ZFHX3: variants seen among roughly 807,000 people sequenced by gnomAD.
The protein encoded by ZFHX3 is zinc finger homeobox protein 3.
A neutral mutation model predicts 279.1 loss-of-function variants in ZFHX3; 42 were observed. The ratio of observed to expected loss-of-function variants is 0.15; its 90% CI spans 0.12 to 0.19. The LOEUF is 0.19. ZFHX3 is among the 10% of genes least tolerant of loss of function. ZFHX3 has a pLI of 1.00. For missense variants in ZFHX3, 4,981 were observed against 4,754.0 expected, an observed-to-expected ratio of 1.05 and a Z score of -1.40; for synonymous variants, 2,293 against 1,957.8, an observed-to-expected ratio of 1.17 and a Z score of -4.52.
chr16:73,843,677 A>C (rs1396941522), intron 1 of ZFHX3, among the ~76,000 whole-genome samples: 1 of 152,242 alleles, frequency 6.6e-6, no homozygotes, highest in Non-Finnish European at 1.5e-5. Context: ...TCTCACAGCA[A>C]GATACCCTGT....
intron 2 of ZFHX3, among the ~76,000 whole-genome samples, chr16:73,588,515 T>C (rs2051951378): frequency 6.6e-6 from 1 of 151,248 alleles, no homozygotes; most frequent in South Asian, 2.1e-4. Context: ...TGAAACCCCA[T>C]CTCCACTAAA....
At chr16:73,534,624 C>T (rs568303057) in intron 2 of ZFHX3, among the ~76,000 whole-genome samples, 4 of 152,278 alleles carry the variant, frequency 2.6e-5, no homozygotes, top group African/African-American at 9.6e-5. Context: ...AATTAAATTG[C>T]ATTTGGTTTG....
chr16:73,622,519 G>A (rs966744171), intron 2 of ZFHX3, among the ~76,000 whole-genome samples: 3 of 152,076 alleles, frequency 2.0e-5, no homozygotes, highest in Non-Finnish European at 2.9e-5. Flanking sequence ...CCGAGATCGT[G>A]CCACTGCACT....
At chr16:73,209,523 C>G (rs1001571690) in intron 5 of ZFHX3, among the ~76,000 whole-genome samples, 1 of 152,160 alleles carries the variant, frequency 6.6e-6, no homozygotes, top group Non-Finnish European at 1.5e-5. Flanking sequence ...AGAAAGCAAA[C>G]CCACTTCCAC....
chr16:72,955,642 G>GT (rs1375225722), intron 2 of ZFHX3, among the ~76,000 whole-genome samples: 1 of 152,118 alleles, frequency 6.6e-6, no homozygotes. Context: ...GCCAGGCATG[G>GT]TGGCGGGTGC....
At chr16:73,073,975 G>A (rs1434295472) in intron 8 of ZFHX3, among the ~76,000 whole-genome samples, 1 of 152,210 alleles carries the variant, frequency 6.6e-6, no homozygotes, top group Admixed American at 6.5e-5. Context: ...GAAGGGTAAG[G>A]TGAAGCACAG....
At chr16:73,102,016 C>T (rs1265992814) in intron 7 of ZFHX3, among the ~76,000 whole-genome samples, 4 of 150,586 alleles carry the variant, frequency 2.7e-5, no homozygotes, top group South Asian at 4.2e-4. Context: ...TGGGTTCAAG[C>T]GATTCTTGTG....
chr16:72,863,521 C>T, intron 4 of ZFHX3, among the ~76,000 whole-genome samples: 1 of 145,668 alleles, frequency 6.9e-6, no homozygotes, highest in South Asian at 2.1e-4. Flanking sequence ...GAGAGAGAGA[C>T]AGAGACAGAG....
intron 1 of ZFHX3, among the ~76,000 whole-genome samples, chr16:73,849,051 T>G (rs895318292): frequency 1.3e-5 from 2 of 152,256 alleles, no homozygotes; most frequent in East Asian, 3.8e-4. Context: ...CTGGATGTAC[T>G]CTAGCTTTAT....
chr16:73,393,673 T>C (rs150620853), intron 3 of ZFHX3, among the ~76,000 whole-genome samples: 1 of 152,302 alleles, frequency 6.6e-6, no homozygotes, highest in East Asian at 1.9e-4. Flanking sequence ...ACTATGAAAG[T>C]TGGGACCTAA....
intron 3 of ZFHX3, among the ~76,000 whole-genome samples, chr16:73,326,726 A>T (rs2015697663): frequency 1.3e-5 from 2 of 152,154 alleles, no homozygotes; most frequent in African/African-American, 4.8e-5. Flanking sequence ...TATACTAAAC[A>T]CTCTTGAATC....
At chr16:73,834,253 G>A (rs1288165280) in intron 1 of ZFHX3, among the ~76,000 whole-genome samples, 1 of 152,158 alleles carries the variant, frequency 6.6e-6, no homozygotes, top group African/African-American at 2.4e-5. Flanking sequence ...GTGTAATAGG[G>A]CTTAATAAAT....
chr16:73,547,557 A>G (rs1216242781), intron 2 of ZFHX3, among the ~76,000 whole-genome samples: 2 of 152,054 alleles, frequency 1.3e-5, no homozygotes, highest in Non-Finnish European at 2.9e-5. Flanking sequence ...TCAACCATGG[A>G]TGGGGGGGTT....
intron 2 of ZFHX3, among the ~76,000 whole-genome samples, chr16:73,605,014 C>G (rs991375475): frequency 6.6e-6 from 1 of 152,054 alleles, no homozygotes; most frequent in African/African-American, 2.4e-5. Flanking sequence ...GACTGCTGAG[C>G]CAAGACTAAC....
At chr16:72,882,980 GT>G (rs1567563227) in intron 4 of ZFHX3, among the ~76,000 whole-genome samples, 1,244 of 35,400 alleles carry the variant, frequency 0.035, 26 homozygotes, top group African/African-American at 0.068. Flanking sequence ...ACTCTGGGGT[GT>G]GTGTGTGTGT....
chr16:73,632,733 T>G (rs1597037895), intron 2 of ZFHX3, among the ~76,000 whole-genome samples: 1 of 146,418 alleles, frequency 6.8e-6, no homozygotes, highest in East Asian at 2.0e-4. Flanking sequence ...GACTCCAGAA[T>G]AGAAAGATTT....
intron 1 of ZFHX3, among the ~76,000 whole-genome samples, chr16:73,784,816 T>TATATACACAC (rs1555501460): frequency 2.4e-3 from 327 of 135,446 alleles, no homozygotes; most frequent in African/African-American, 8.5e-3. Flanking sequence ...TATATATATA[T>TATATACACAC]ACACACACAC....
intron 3 of ZFHX3, among the ~76,000 whole-genome samples, chr16:73,415,516 G>A (rs571618669): frequency 6.6e-6 from 1 of 152,260 alleles, no homozygotes; most frequent in African/African-American, 2.4e-5. Context: ...CTGTTTCAAG[G>A]GCCAGGCAAA....
rs190519297 is a variant in ZFHX3, at chr16:73,290,724, G to C, written c.-1194+27516C>G. Among the ~76,000 whole-genome samples, 228 of 152,308 alleles carry C rather than the reference G, an allele frequency of 1.5e-3. 3 individuals are homozygous for C. The highest frequency in any genetic ancestry group is 5.2e-3 in the African/African-American group (216 of 41,558). On this transcript the variant is annotated intron_variant, in intron 4 of 17. Transcript: ENST00000641206. Reference sequence around the variant, plus strand: ...CTTCCCTGGTGCTTTTTGGGTTTCAGTGTAGATAGAGGAGGAAAGAGCCAC... The same window carrying C: ...CTTCCCTGGTGCTTTTTGGGTTTCACTGTAGATAGAGGAGGAAAGAGCCAC...
Sources: allele counts gnomAD v4.1 joint callset (sites outside exome capture counted in the v4.1 genomes callset), GRCh38; gene constraint gnomAD v4.1.1; transcripts MANE v1.5; gene names NCBI Gene and HGNC (gene_info 2026-07-23, HGNC 2026-07-21).